Variants in SLC24A2 observed in about 807,000 individuals in gnomAD.
SLC24A2 encodes the protein sodium/potassium/calcium exchanger 2.
Under a neutral mutation model 62.0 loss-of-function variants are expected in SLC24A2, and 36 were observed. The ratio of observed to expected loss-of-function variants is 0.58; its 90% CI spans 0.44 to 0.77. The LOEUF is 0.77. SLC24A2 is among the 30% of genes least tolerant of loss of function. SLC24A2 has a pLI of 0.00. For synonymous variants in SLC24A2, 358 were observed against 294.0 expected, an observed-to-expected ratio of 1.22 and a Z score of -2.23; for missense variants, 846 against 817.9, an observed-to-expected ratio of 1.03 and a Z score of -0.42.
At chr9:19,822,525 G>C in the SLC24A2 span, among the ~76,000 whole-genome samples, 1 of 152,174 alleles carries the variant, frequency 6.6e-6, no homozygotes, top group Admixed American at 6.5e-5. Context: ...AATCCCATGT[G>C]AATCTAAAGG....
the SLC24A2 span, among the ~76,000 whole-genome samples, chr9:20,097,969 C>G: frequency 2.6e-5 from 4 of 151,740 alleles, no homozygotes; most frequent in Non-Finnish European, 5.9e-5. Flanking sequence ...GTCTCGATCT[C>G]CTGACCTCGT....
chr9:19,517,910 A>AACACACACACACAC (rs56840950), intron 10 of SLC24A2, among the ~76,000 whole-genome samples: 6 of 131,628 alleles, frequency 4.6e-5, no homozygotes, highest in South Asian at 2.8e-4. Flanking sequence ...TTCTTATTAA[A>AACACACACACACAC]ACACACACAC....
chr9:19,698,282 C>A (rs1820251626), intron 2 of SLC24A2, among the ~76,000 whole-genome samples: 1 of 142,588 alleles, frequency 7.0e-6, no homozygotes, highest in South Asian at 2.1e-4. Flanking sequence ...AAAAAATTAA[C>A]AAAAATATTG....
At chr9:19,831,498 A>G in the SLC24A2 span, among the ~76,000 whole-genome samples, 6 of 152,240 alleles carry the variant, frequency 3.9e-5, no homozygotes, top group African/African-American at 1.4e-4. Flanking sequence ...AAAAATAAGC[A>G]TGCATTTTTA....
At chr9:19,978,782 C>T in the SLC24A2 span, among the ~76,000 whole-genome samples, 7 of 152,050 alleles carry the variant, frequency 4.6e-5, no homozygotes, top group East Asian at 7.7e-4. Flanking sequence ...TATATTCTTG[C>T]TAAATGAGCA....
At chr9:20,206,492 A>ATAT in the SLC24A2 span, among the ~76,000 whole-genome samples, 2 of 152,122 alleles carry the variant, frequency 1.3e-5, no homozygotes, top group African/African-American at 4.8e-5. Flanking sequence ...TATTATTATT[A>ATAT]TATTATTATT....
the SLC24A2 span, among the ~76,000 whole-genome samples, chr9:20,040,196 T>C: frequency 2.6e-5 from 4 of 152,332 alleles, no homozygotes; most frequent in South Asian, 8.3e-4. Flanking sequence ...TCAAGAGCGA[T>C]GGAACGATTT....
chr9:20,164,288 A>C, the SLC24A2 span, among the ~76,000 whole-genome samples: 1 of 152,044 alleles, frequency 6.6e-6, no homozygotes, highest in East Asian at 1.9e-4. Flanking sequence ...ATTTACAAGA[A>C]AAAAACAAAC....
chr9:19,522,830 C>A (rs1033800783), intron 9 of SLC24A2, among the ~76,000 whole-genome samples: 1 of 152,148 alleles, frequency 6.6e-6, no homozygotes, highest in Admixed American at 6.5e-5. Flanking sequence ...AGAAAAAGTT[C>A]AATAAGACTT....
At chr9:20,068,597 TG>T in the SLC24A2 span, among the ~76,000 whole-genome samples, 29 of 152,286 alleles carry the variant, frequency 1.9e-4, no homozygotes, top group Non-Finnish European at 3.1e-4. Context: ...ATAAATGTTT[TG>T]GGGATGCTTA....
the SLC24A2 span, among the ~76,000 whole-genome samples, chr9:20,291,566 C>T: frequency 8.5e-5 from 13 of 152,270 alleles, no homozygotes; most frequent in South Asian, 2.7e-3. Flanking sequence ...ACCCTGACTC[C>T]CTCTCCATGT....
chr9:20,064,545 T>G, the SLC24A2 span, among the ~76,000 whole-genome samples: 3 of 152,154 alleles, frequency 2.0e-5, no homozygotes, highest in South Asian at 6.2e-4. Flanking sequence ...TTAGATGAGG[T>G]TGTTATTTAC....
chr9:19,945,335 A>G, the SLC24A2 span, among the ~76,000 whole-genome samples: 1 of 152,064 alleles, frequency 6.6e-6, no homozygotes, highest in African/African-American at 2.4e-5. Flanking sequence ...GAGGGGAGAG[A>G]GAGAACATAA....
chr9:20,152,585 T>C, the SLC24A2 span, among the ~76,000 whole-genome samples: 3 of 151,910 alleles, frequency 2.0e-5, no homozygotes, highest in African/African-American at 7.2e-5. Flanking sequence ...AGGTGACTGT[T>C]TGAATTCTAG....
chr9:19,617,174 C>T lies in SLC24A2; in HGVS notation c.1078+2410G>A, dbSNP rs993388705. On this transcript the variant is annotated intron_variant, in intron 4 of 10. Coordinates refer to ENST00000341998, the MANE Select transcript of SLC24A2 (RefSeq NM_020344.4). ...ACCTCGGATCATCAGGCATTAAATT[C>T]GAATAAGGAGCACACAACCTAGATC... Among the ~76,000 whole-genome samples, 7 of 152,100 alleles carry T rather than the reference C, an allele frequency of 4.6e-5. No homozygotes were observed. In the East Asian group the frequency reaches 7.7e-4, roughly 17 times the overall value.
chr9:19,554,326 T>C (rs1563959630), intron 7 of SLC24A2, among the ~76,000 whole-genome samples: 1 of 152,208 alleles, frequency 6.6e-6, no homozygotes, highest in East Asian at 1.9e-4. Context: ...AGCAATACAG[T>C]GTAACAACTA....
chr9:20,088,802 T>A, the SLC24A2 span, among the ~76,000 whole-genome samples: 14 of 151,640 alleles, frequency 9.2e-5, no homozygotes, highest in Non-Finnish European at 1.8e-4. Context: ...AACTGGTGTG[T>A]TTGGGCCAGC....
chr9:20,191,827 G>T, the SLC24A2 span, among the ~76,000 whole-genome samples: 1 of 152,004 alleles, frequency 6.6e-6, no homozygotes, highest in East Asian at 1.9e-4. Flanking sequence ...AAAAGAGTGA[G>T]GTTTCCAGAA....
chr9:19,833,863 T>C, the SLC24A2 span, among the ~76,000 whole-genome samples: 1 of 152,200 alleles, frequency 6.6e-6, no homozygotes, highest in East Asian at 1.9e-4. Context: ...GTCCGGGTAC[T>C]CCTCTGAGAC....
Sources: gnomAD v4.1 joint callset for allele counts (sites outside exome capture counted in the v4.1 genomes callset) on GRCh38, gnomAD v4.1.1 for gene constraint, MANE v1.5 for transcripts, NCBI Gene and HGNC (gene_info 2026-07-23, HGNC 2026-07-21) for gene names.